Variants in FBXO17 observed in about 807,000 individuals in gnomAD.
FBXO17 encodes F-box protein 17.
In FBXO17, 43 loss-of-function variants were observed where a neutral mutation model predicts 34.1. The ratio of observed to expected loss-of-function variants is 1.26; its 90% CI spans 0.99 to 1.62. FBXO17 has a LOEUF of 1.62. Ranked by LOEUF, FBXO17 falls within the 40% of genes most tolerant of loss-of-function variation. The pLI is 0.00. For missense variants in FBXO17, 424 were observed against 386.7 expected, an observed-to-expected ratio of 1.10 and a Z score of -0.81; for synonymous variants, 169 against 166.0, an observed-to-expected ratio of 1.02 and a Z score of -0.14.
In FBXO17 at chr19:38,948,596, AG is replaced by A. The variant is rs1226316298; in HGVS notation, c.431del (p.Pro144LeufsTer7). On this transcript the variant is annotated frameshift_variant, in exon 3 of 6. Coordinates refer to ENST00000292852, the MANE Select transcript of FBXO17 (RefSeq NM_024907.7). LOFTEE classifies it high-confidence loss of function. ...EKNLTPVPGAPSQTCFVTSFE... is the reference protein window; with the variant it reads ...EKNLTPVPGAXSQTCFVTSFE... ...AAGAGGTCACGAAGCAGGTCTGCGA[AG>A]GAGCCCCAGGCACCGGTGTTAGGTT... The A allele has an allele frequency of 3.1e-6, 5 of 1,614,026 alleles. No homozygotes were observed. In the African/African-American group the frequency reaches 5.3e-5, roughly 17 times the overall value.
At chr19:38,954,568 C>T (rs780606305) in intron 1 of FBXO17, among the ~76,000 whole-genome samples, 3 of 146,758 alleles carry the variant, frequency 2.0e-5, no homozygotes, top group Non-Finnish European at 1.5e-5. Context: ...CTGCGCCGGG[C>T]CGAGAATGTG....
At chr19:38,952,450 A>C (rs1975098717) in intron 1 of FBXO17, 1 of 488,878 alleles carries the variant, frequency 2.0e-6, no homozygotes, top group Non-Finnish European at 4.2e-6. Flanking sequence ...TTCTTGCTCT[A>C]ACTGGAACCC....
chr19:38,958,792 G>A (rs958379145), intron 1 of FBXO17, among the ~76,000 whole-genome samples: 2 of 152,154 alleles, frequency 1.3e-5, no homozygotes, highest in African/African-American at 4.8e-5. Context: ...ACCACTGCTC[G>A]TGAAGCTGTG....
intron 1 of FBXO17, among the ~76,000 whole-genome samples, chr19:38,958,909 T>G (rs1395764681): frequency 6.6e-6 from 1 of 152,092 alleles, no homozygotes; most frequent in Non-Finnish European, 1.5e-5. Flanking sequence ...TCTCTCTTTC[T>G]CTCTCTTTTT....
intron 4 of FBXO17, chr19:38,945,888 A>G (rs1974976155): frequency 5.5e-6 from 1 of 180,380 alleles, no homozygotes; most frequent in South Asian, 1.0e-4. Flanking sequence ...TTGGGTAGGT[A>G]GTTGGGGGAC....
rs1975452911 is a variant in FBXO17 at position 38,975,684 on chromosome 19, A to AGGGGGCCCC, written c.-125_-117dup. The AGGGGGCCCC allele has an allele frequency of 1.3e-5, 2 of 151,066 alleles. No homozygotes were observed. The highest frequency in any genetic ancestry group is 1.3e-4 in the Admixed American group (2 of 15,254). The allele number at this position is 151,066 out of a possible 1,614,324, so 9.4% of individuals were successfully genotyped here. On this transcript the variant is annotated 5_prime_UTR_variant, in exon 1 of 6. Coordinates refer to ENST00000292852, the MANE Select transcript of FBXO17 (RefSeq NM_024907.7). This position sits in a 1 kb window ranked among gnomAD's most constrained non-coding sequence, Gnocchi z 4.9. ...GGGCTCCCCGTGATCGGCGTGGCCCAGGGGGCCCCGGGACCGGCGGTCTGG... is the reference window on the plus strand; with the variant it reads ...GGGCTCCCCGTGATCGGCGTGGCCCAGGGGGCCCCGGGGGCCCCGGGACCGGCGGTCTGG...
At chr19:38,965,248 T>G (rs1975303844) in intron 1 of FBXO17, among the ~76,000 whole-genome samples, 2 of 152,014 alleles carry the variant, frequency 1.3e-5, no homozygotes, top group Non-Finnish European at 2.9e-5. Context: ...AGGACTGGCT[T>G]CATGGGCATG....
At chr19:38,951,466 C>G (rs1182592562) in intron 1 of FBXO17, among the ~76,000 whole-genome samples, 5 of 151,616 alleles carry the variant, frequency 3.3e-5, no homozygotes, top group African/African-American at 1.2e-4. Context: ...GTCACTGCGC[C>G]TGGCCTGTTG....
chr19:38,958,172 G>T (rs1037267737), intron 1 of FBXO17, among the ~76,000 whole-genome samples: 8 of 151,814 alleles, frequency 5.3e-5, no homozygotes, highest in African/African-American at 1.9e-4. Flanking sequence ...AGCACTTTGG[G>T]AGACCAAGGT....
intron 1 of FBXO17, among the ~76,000 whole-genome samples, chr19:38,967,993 G>A (rs760783747): frequency 5.1e-4 from 78 of 152,228 alleles, no homozygotes; most frequent in Non-Finnish European, 7.6e-4. Context: ...GGCATCGCTG[G>A]TGGGGATGTA....
Position 38,950,289 on chromosome 19 carries a change from G to A in FBXO17, c.31C>T (p.Pro11Ser), listed in dbSNP as rs1016970456. Residue 11 changes from proline to serine, a missense_variant, in exon 2 of 6, where the codon CCG becomes TCG. By Grantham distance (74) the Pro-to-Ser change is moderately conservative (BLOSUM62 -1). Coordinates refer to ENST00000292852, the MANE Select transcript of FBXO17 (RefSeq NM_024907.7). ...TCCAGGGCCAGGGATGGGTCCGCCG[G>A]CAGCCGTCGCCGCGATAGCCGGGCG... is the stretch of plus-strand genomic sequence containing the variant. Reference protein sequence around the residue: MGARLSRRRLPADPSLALDAL... With the variant: MGARLSRRRLSADPSLALDAL... The A allele has an allele frequency of 4.9e-6, 7 of 1,440,096 alleles. No individual in the cohort carries two copies. In the African/African-American group the frequency reaches 1.0e-4, roughly 21 times the overall value. 89.2% of individuals were successfully genotyped at this position (1,440,096 alleles called of 1,614,324 possible). A position where few individuals can be genotyped will look rare whatever the true frequency, so the allele number is the denominator to read the frequency against.
chr19:38,971,198 A>G (rs1185926658), intron 1 of FBXO17, among the ~76,000 whole-genome samples: 1 of 151,734 alleles, frequency 6.6e-6, no homozygotes, highest in African/African-American at 2.4e-5. Flanking sequence ...CCTGCCCCTC[A>G]CGGTTGTAGG....
At chr19:38,962,388 A>G (rs1975264753) in intron 1 of FBXO17, among the ~76,000 whole-genome samples, 1 of 152,130 alleles carries the variant, frequency 6.6e-6, no homozygotes, top group African/African-American at 2.4e-5. Flanking sequence ...ATGCTTCTCC[A>G]GCCTCTGACT....
At position 38,945,071 on chromosome 19, in the gene FBXO17, G is replaced by A; in HGVS notation, c.591C>T (p.Tyr197=). ...WGARENCGCV[Y]QLRVRLLDVY... Reference sequence around the variant, plus strand: ...CATCCAGAAGGCGGACCCGGAGCTGGTAGACGCAGCCGCAGTTCTCTCGAG... The same window carrying A: ...CATCCAGAAGGCGGACCCGGAGCTGATAGACGCAGCCGCAGTTCTCTCGAG... The change falls in exon 5 of 6, where the codon TAC becomes TAT. Residue 197 remains tyrosine, a synonymous_variant. Transcript: ENST00000292852. 1 of 1,614,230 alleles carries A rather than the reference G, an allele frequency of 6.2e-7. No individual in the cohort carries two copies. The highest frequency in any genetic ancestry group is 2.2e-5 in the East Asian group (1 of 44,884).
At chr19:38,962,275 GT>G (rs998048406) in intron 1 of FBXO17, among the ~76,000 whole-genome samples, 1 of 152,086 alleles carries the variant, frequency 6.6e-6, no homozygotes, top group African/African-American at 2.4e-5. Flanking sequence ...ATGATGCTAA[GT>G]TTTTTTCAGT....
In FBXO17 at chr19:38,967,471, C is replaced by T. The variant is rs187941202; in HGVS notation, c.-18+8115G>A. On this transcript the variant is annotated intron_variant, in intron 1 of 5. Transcript: ENST00000292852. ...AATAAAAATAAAAAAGAAAGAAAGA[C>T]AAAAGATTTGAGTAGACATTTCACC... 1.6e-3 allele frequency among the ~76,000 whole-genome samples: 240 copies of T among 151,676 alleles called. 4 individuals carry two copies. The highest frequency in any genetic ancestry group is 0.012 in the Admixed American group (188 of 15,226).
Position 38,950,069 on chromosome 19 carries a change from C to A in FBXO17, c.251G>T (p.Ser84Ile). The A allele has an allele frequency of 6.4e-7, 1 of 1,569,258 alleles. No individual in the cohort carries two copies. The highest frequency in any genetic ancestry group is 8.6e-7 in the Non-Finnish European group (1 of 1,158,662). Residue 84 changes from serine (S) to isoleucine (I), a missense_variant, in exon 2 of 6, where the codon AGC (serine) becomes ATC (isoleucine). Coordinates refer to ENST00000292852, the MANE Select transcript of FBXO17 (RefSeq NM_024907.7). ...LYAVAQRCLPSNEDKEEFPLC... is the reference protein window; with the variant it reads ...LYAVAQRCLPINEDKEEFPLC... ...CGGGAACTCCTCCTTGTCTTCGTTG[C>A]TGGGCAGGCAGCGTTGAGCCACTGC...
chr19:38,942,853 G>A (rs1974913098), intron 5 of FBXO17, 102 bp from the exon 6 acceptor site: 7 of 1,279,988 alleles, frequency 5.5e-6, no homozygotes, highest in East Asian at 3.1e-5. Context: ...CCAGTCCTGC[G>A]CTAGTTTGCT....
rs1262850728 is a variant in FBXO17 at position 38,941,462 on chromosome 19, G to A, written c.*1146C>T. On this transcript the variant is annotated 3_prime_UTR_variant, in exon 6 of 6. Coordinates refer to ENST00000292852, the MANE Select transcript of FBXO17 (RefSeq NM_024907.7). ...TTCAGAGCTGAGAGCCTTGAACAGA[G>A]ATTTACCCACATATTTATTGACAGC... 6.6e-6 allele frequency: 1 copy of A among 152,138 alleles called. No individual in the cohort carries two copies. The highest frequency in any genetic ancestry group is 1.9e-4 in the East Asian group (1 of 5,186). The allele number at this position is 152,138 out of a possible 1,614,324, so 9.4% of individuals were successfully genotyped here. A position where few individuals can be genotyped will look rare whatever the true frequency, so the allele number is the denominator to read the frequency against.
Sources: allele counts gnomAD v4.1 joint callset (sites outside exome capture counted in the v4.1 genomes callset), GRCh38; gene constraint gnomAD v4.1.1; non-coding constraint Gnocchi (gnomAD v3.1); transcripts MANE v1.5; gene names NCBI Gene and HGNC (gene_info 2026-07-23, HGNC 2026-07-21).